DUS2: variants seen among roughly 807,000 people sequenced by gnomAD.
DUS2 encodes tRNA-dihydrouridine(20) synthase [NAD(P)+]-like.
In DUS2, 52 loss-of-function variants were observed where a neutral mutation model predicts 71.3. That is an observed-to-expected ratio of 0.73 (90% CI 0.58 to 0.92). DUS2 has a LOEUF of 0.92. Ranked by LOEUF, DUS2 falls within the 40% of genes least tolerant of loss-of-function variation. The pLI is 0.00. For missense variants in DUS2, 558 were observed against 622.6 expected (o/e 0.90, Z 1.10); for synonymous variants, 204 against 227.8 (o/e 0.90, Z 0.94).
rs368601846 is a variant in DUS2 at position 68,071,034 on chromosome 16, A to G, written c.736A>G (p.Met246Val). 9 of 1,614,216 alleles carry G rather than the reference A, an allele frequency of 5.6e-6. No individual in the cohort carries two copies. The highest frequency in any genetic ancestry group is 1.1e-5 in the South Asian group (1 of 91,086). Reference sequence around the variant, plus strand: ...TTCCGTGATGGTGGCCCGAGCAGCCATGTGGAACCCATCTATCTTCCTCAA... The same window carrying G: ...TTCCGTGATGGTGGCCCGAGCAGCCGTGTGGAACCCATCTATCTTCCTCAA... Reference protein sequence around the residue: ...ASSVMVARAAMWNPSIFLKEG... With the variant: ...ASSVMVARAAVWNPSIFLKEG... The change falls in exon 12 of 17, where the codon ATG (methionine) becomes GTG (valine). Residue 246 changes from methionine (M) to valine (V), a missense_variant. Met to Val is a conservative substitution (Grantham distance 21). Coordinates refer to ENST00000565263, the MANE Select transcript of DUS2 (RefSeq NM_017803.5).
chr16:68,073,449 CTTTTTTT>C (rs1213508148), intron 12 of DUS2, among the ~76,000 whole-genome samples: 1 of 111,848 alleles, frequency 8.9e-6, no homozygotes, highest in Non-Finnish European at 1.9e-5. Flanking sequence ...TTTTCTTTTT[CTTTTTTT>C]TTTTTTTTTT....
At chr16:68,052,966 A>C (rs564023182) in intron 4 of DUS2, among the ~76,000 whole-genome samples, 1 of 123,936 alleles carries the variant, frequency 8.1e-6, no homozygotes, top group South Asian at 2.5e-4. Flanking sequence ...TTGTTTCAAC[A>C]TTTTTTTTTT....
chr16:68,079,060 G>T lies in DUS2; in HGVS notation c.*74G>T, dbSNP rs879207511. On this transcript the variant is annotated 3_prime_UTR_variant, in exon 17 of 17. Transcript: ENST00000565263. ...GCTGTGGATGCCACAGCATGAACCA[G>T]ATGCCGTTGAACAGTTTGCTGGTCT... The T allele has an allele frequency of 7.6e-7, 1 of 1,315,660 alleles. No individual in the cohort carries two copies. The highest frequency in any genetic ancestry group is 1.5e-5 in the South Asian group (1 of 64,960). The allele number at this position is 1,315,660 out of a possible 1,614,324, so 81.5% of individuals were successfully genotyped here.
intron 15 of DUS2, 31 bp downstream of exon 15, chr16:68,076,750 C>T (rs748196815): frequency 9.5e-6 from 15 of 1,573,244 alleles, no homozygotes; most frequent in Middle Eastern, 1.7e-4. Flanking sequence ...TGCCCTGCAG[C>T]CAGTCACAGC....
In DUS2 at chr16:68,074,024, C is replaced by T. The variant is rs762051016; in HGVS notation, c.811-10C>T. 6.2e-7 allele frequency: 1 copy of T among 1,613,998 alleles called. No individual in the cohort carries two copies. The highest frequency in any genetic ancestry group is 8.5e-7 in the Non-Finnish European group (1 of 1,179,898). On this transcript the variant is annotated splice_polypyrimidine_tract_variant and intron_variant, in intron 12 of 16. Transcript: ENST00000565263. ...TGCCTGGGCATCAGGCAAGTCATTT[C>T]TTTTCTCAGGCGGTGCAGTATGACA...
At position 68,079,213 on chromosome 16, in the gene DUS2, G is replaced by C; in HGVS notation, c.*227G>C. 2.3e-6 allele frequency: 1 copy of C among 428,346 alleles called. No individual in the cohort carries two copies. Among genetic ancestry groups the C allele is most frequent in the East Asian group, 3.5e-5 (1 of 28,392 alleles). The allele number at this position is 428,346 out of a possible 1,614,324, so 26.5% of individuals were successfully genotyped here. A position where few individuals can be genotyped will look rare whatever the true frequency, so the allele number is the denominator to read the frequency against. On this transcript the variant is annotated 3_prime_UTR_variant, in exon 17 of 17. Transcript: ENST00000565263. Reference sequence around the variant, plus strand: ...CAGGGTCAAGTTCTCTTTGAAAACAGGAGCTTTTCAGGTGGTAACTCCCCA... The same window carrying C: ...CAGGGTCAAGTTCTCTTTGAAAACACGAGCTTTTCAGGTGGTAACTCCCCA...
intron 8 of DUS2, among the ~76,000 whole-genome samples, chr16:68,062,635 C>T (rs961527474): frequency 1.5e-4 from 22 of 144,394 alleles, no homozygotes; most frequent in Non-Finnish European, 7.4e-5. Context: ...AGGAGAATGG[C>T]ATAAACCCGG....
intron 14 of DUS2, among the ~76,000 whole-genome samples, chr16:68,076,397 T>TA (rs2034156688): frequency 6.6e-6 from 1 of 152,162 alleles, no homozygotes; most frequent in African/African-American, 2.4e-5. Context: ...CCCCTTCCCT[T>TA]ACAATTTCTT....
At chr16:68,066,518 G>A (rs763667594) in intron 9 of DUS2, 48 bp from the exon 10 acceptor site, 6 of 1,605,960 alleles carry the variant, frequency 3.7e-6, no homozygotes, top group South Asian at 3.3e-5. Context: ...GGCAGCAGCT[G>A]CTCCTTCTGG....
chr16:68,066,359 T>G lies in DUS2; in HGVS notation c.460T>G (p.Cys154Gly), dbSNP rs749578903. The change falls in exon 9 of 17, where the codon TGC (cysteine) becomes GGC (glycine). Residue 154 changes from cysteine (C) to glycine (G), a missense_variant. Transcript: ENST00000565263. Reference protein sequence around the residue: ...LVKGTRRPVTCKIRILPSLED... With the variant: ...LVKGTRRPVTGKIRILPSLED... ...TAAAGGGACACGCAGACCTGTGACC[T>G]GCAAGATTCGCATCCTGCCATCGGT... is the stretch of plus-strand genomic sequence containing the variant. The G allele has an allele frequency of 6.2e-7, 1 of 1,614,212 alleles. No individual in the cohort carries two copies. Among genetic ancestry groups the G allele is most frequent in the Non-Finnish European group, 8.5e-7 (1 of 1,180,014 alleles).
At chr16:68,074,218 C>G in intron 13 of DUS2, 63 bp downstream of exon 13, 1 of 1,596,790 alleles carries the variant, frequency 6.3e-7, no homozygotes, top group Non-Finnish European at 8.6e-7. Context: ...GACTTTGAGC[C>G]CTAAGCTGAC....
chr16:68,054,711 C>T, intron 6 of DUS2, 94 bp downstream of exon 6: 1 of 1,446,234 alleles, frequency 6.9e-7, no homozygotes, highest in Non-Finnish European at 9.7e-7. Flanking sequence ...ACTCACCCTT[C>T]TGCCTTCTAG....
chr16:68,076,292 A>C (rs1435252012), intron 14 of DUS2, among the ~76,000 whole-genome samples: 1 of 151,298 alleles, frequency 6.6e-6, no homozygotes, highest in Non-Finnish European at 1.5e-5. Context: ...ACCTCCACCC[A>C]CTCCCTACTA....
intron 10 of DUS2, among the ~76,000 whole-genome samples, chr16:68,069,872 C>CCCCCTGCAGCCAGGCCT (rs2034059128): frequency 6.6e-6 from 1 of 152,130 alleles, no homozygotes; most frequent in Non-Finnish European, 1.5e-5. Context: ...CCCACCATGC[C>CCCCCTGCAGCCAGGCCT]CCCCTGCAGC....
chr16:68,034,113 T>A (rs919551410), intron 2 of DUS2, among the ~76,000 whole-genome samples: 1 of 152,126 alleles, frequency 6.6e-6, no homozygotes, highest in African/African-American at 2.4e-5. Context: ...TCACCCAGGC[T>A]GGAGTGCAGT....
chr16:68,068,548 T>G (rs2034039968), intron 10 of DUS2, among the ~76,000 whole-genome samples: 1 of 151,950 alleles, frequency 6.6e-6, no homozygotes, highest in South Asian at 2.1e-4. Flanking sequence ...TATAAATCCT[T>G]GGCACAGTGC....
In DUS2 at chr16:68,074,203, A is replaced by C. The variant is rs558881987; in HGVS notation, c.932+48A>C. On this transcript the variant is annotated intron_variant, in intron 13 of 16. Transcript: ENST00000565263. ...CATCTGTCCTTGTACGCATTGCCCA[A>C]GTTTGACTTTGAGCCCTAAGCTGAC... The C allele has an allele frequency of 3.5e-5, 57 of 1,610,192 alleles. 1 individual carries two copies. Among genetic ancestry groups the C allele is most frequent in the South Asian group, 2.8e-4 (25 of 90,798 alleles).
chr16:68,061,143 C>T (rs2033934909), intron 8 of DUS2, 30 bp downstream of exon 8: 1 of 1,610,632 alleles, frequency 6.2e-7, no homozygotes, highest in Non-Finnish European at 8.5e-7. Context: ...AAGCAGGGGT[C>T]CTCAAACACA....
At chr16:68,027,242 T>G (rs924180416) in intron 2 of DUS2, among the ~76,000 whole-genome samples, 1 of 151,652 alleles carries the variant, frequency 6.6e-6, no homozygotes, top group Middle Eastern at 3.4e-3. Flanking sequence ...ACTTCTTGTT[T>G]TTTTTTTTTT....
Sources: gnomAD v4.1 joint callset for allele counts (sites outside exome capture counted in the v4.1 genomes callset) on GRCh38, gnomAD v4.1.1 for gene constraint, MANE v1.5 for transcripts, NCBI Gene and HGNC (gene_info 2026-07-23, HGNC 2026-07-21) for gene names.